The following H6PD variants were observed in gnomAD, a reference collection of about 807,000 sequenced individuals.
The protein encoded by H6PD is GDH/6PGL endoplasmic bifunctional protein.
Under a neutral mutation model 61.2 loss-of-function variants are expected in H6PD, and 48 were observed. The ratio of observed to expected loss-of-function variants is 0.78; its 90% CI spans 0.62 to 1.00. The LOEUF (loss-of-function observed/expected upper bound fraction) is 1.00, where lower values mean the gene tolerates loss of function less well. H6PD is among the 50% of genes least tolerant of loss of function. H6PD has a pLI of 0.00. For synonymous variants in H6PD, 480 were observed against 457.9 expected, an observed-to-expected ratio of 1.05 and a Z score of -0.62; for missense variants, 1,093 against 1,065.0, an observed-to-expected ratio of 1.03 and a Z score of -0.37.
At chr1:9,258,262 A>C (rs28496367) in intron 3 of H6PD, among the ~76,000 whole-genome samples, 17 of 60,160 alleles carry the variant, frequency 2.8e-4, no homozygotes, top group Admixed American at 4.1e-4. Flanking sequence ...TTGTTACATC[A>C]GTGTTGTTAC....
intron 1 of H6PD, among the ~76,000 whole-genome samples, chr1:9,241,865 G>A (rs1570080685): frequency 1.3e-5 from 2 of 152,098 alleles, no homozygotes; most frequent in Admixed American, 6.5e-5. Flanking sequence ...CAGTTTCCTC[G>A]TCTGTAGAAT....
At position 9,254,725 on chromosome 1, in the gene H6PD, A is replaced by G. The variant is rs1001623690; in HGVS notation, c.746-7334A>G. Among the ~76,000 whole-genome samples the G allele has an allele frequency of 2.0e-5, 3 of 151,960 alleles. No homozygotes were observed. Among genetic ancestry groups the G allele is most frequent in the Admixed American group, 6.6e-5 (1 of 15,250 alleles). ...TATTGAGCTGTAACTCACAAATCCT[A>G]CTACACTTTACCCAGTTAAGGTGGA... On this transcript the variant is annotated intron_variant, in intron 3 of 4. Transcript: ENST00000377403. The surrounding 1 kb of genome is among the most constrained non-coding windows in gnomAD (Gnocchi z 4.6).
rs773280935 is a variant in H6PD, at chr1:9,264,006, G to A, written c.1513G>A (p.Ala505Thr). The A allele has an allele frequency of 1.2e-6, 2 of 1,614,134 alleles. No homozygotes were observed. The highest frequency in any genetic ancestry group is 2.7e-5 in the African/African-American group (2 of 74,948). Residue 505 changes from alanine (A) to threonine (T), a missense_variant, in exon 5 of 5, where the codon GCT (alanine) becomes ACT (threonine). Ala to Thr is a moderately conservative substitution (Grantham distance 58). Transcript: ENST00000377403. ...HKAPRLYPGG[A>T]ENGRLLDFEF... is the part of the protein sequence containing the mutation. The stretch of plus-strand genomic sequence containing the variant: ...GGCCCCACGCCTCTACCCTGGAGGA[G>A]CTGAGAATGGCCGTCTGTTGGACTT...
chr1:9,259,101 C>T (rs1487467989), intron 3 of H6PD, among the ~76,000 whole-genome samples: 2 of 152,212 alleles, frequency 1.3e-5, no homozygotes, highest in South Asian at 2.1e-4. Flanking sequence ...ACGCCATTCT[C>T]CTGCCTCAGC....
In H6PD at chr1:9,244,912, CTT is replaced by C; in HGVS notation, c.-10-11_-10-10del. ...CCTTCCTTGTTCCTCGTCTGTCTCT[CTT>C]TGCACCCCAGGCACCCAGGCATGTG... On this transcript the variant is annotated splice_polypyrimidine_tract_variant and intron_variant, in intron 1 of 4. Coordinates refer to ENST00000377403, the MANE Select transcript of H6PD (RefSeq NM_004285.4). 1 of 1,610,476 alleles carries C rather than the reference CTT, an allele frequency of 6.2e-7. No homozygotes were observed.
intron 1 of H6PD, among the ~76,000 whole-genome samples, chr1:9,241,755 C>G (rs1306588410): frequency 6.6e-6 from 1 of 152,148 alleles, no homozygotes; most frequent in Non-Finnish European, 1.5e-5. Context: ...AGCCCAGGTC[C>G]TTGGACCCCA....
chr1:9,243,604 G>T (rs922170621), intron 1 of H6PD, among the ~76,000 whole-genome samples: 24 of 152,314 alleles, frequency 1.6e-4, no homozygotes, highest in African/African-American at 5.8e-4. Context: ...TGTGGAGGAA[G>T]AATTCAGTGC....
In H6PD at chr1:9,244,963, G is replaced by A. The variant is rs966406932; in HGVS notation, c.29G>A (p.Cys10Tyr). ...TGGAATATGCTCATAGTGGCGATGT[G>A]CTTGGCCCTTCTGGGCTGCCTGCAA... is the stretch of plus-strand genomic sequence containing the variant. Reference protein sequence around the residue: MWNMLIVAMCLALLGCLQAQ... With the variant: MWNMLIVAMYLALLGCLQAQ... The change falls in exon 2 of 5, where the codon TGC (cysteine) becomes TAC (tyrosine). Residue 10 changes from cysteine (C) to tyrosine (Y), a missense_variant. Coordinates refer to ENST00000377403, the MANE Select transcript of H6PD (RefSeq NM_004285.4). The A allele has an allele frequency of 6.2e-7, 1 of 1,614,142 alleles. No individual in the cohort carries two copies. Among genetic ancestry groups the A allele is most frequent in the African/African-American group, 1.3e-5 (1 of 75,034 alleles).
At position 9,265,219 on chromosome 1, in the gene H6PD, G is replaced by A. The variant is rs1358743207; in HGVS notation, c.*350G>A. 56 of 400,578 alleles carry A rather than the reference G, an allele frequency of 1.4e-4. No individual in the cohort carries two copies. Among genetic ancestry groups the A allele is most frequent in the Non-Finnish European group, 2.5e-4 (53 of 210,568 alleles). 24.8% of individuals were successfully genotyped at this position (400,578 alleles called of 1,614,324 possible). A position where few individuals can be genotyped will look rare whatever the true frequency, so the allele number is the denominator to read the frequency against. ...AACTCCGGCGTTCACAAGAGGAGAC[G>A]TGACGTGGTGGGCTGAGGTTAATCA... is the stretch of plus-strand genomic sequence containing the variant. On this transcript the variant is annotated 3_prime_UTR_variant, in exon 5 of 5. Transcript: ENST00000377403.
Position 9,245,298 on chromosome 1 carries a change from A to C in H6PD, c.364A>C (p.Lys122Gln). The C allele has an allele frequency of 6.2e-7, 1 of 1,614,204 alleles. No homozygotes were observed. Among genetic ancestry groups the C allele is most frequent in the Non-Finnish European group, 8.5e-7 (1 of 1,180,038 alleles). Residue 122 changes from lysine (K) to glutamine (Q), a missense_variant, in exon 2 of 5, where the codon AAG becomes CAG. By Grantham distance (53) the Lys-to-Gln change is moderately conservative (BLOSUM62 1). Transcript: ENST00000377403. This position sits in a 1 kb window ranked among gnomAD's most constrained non-coding sequence, Gnocchi z 4.8. ...KTAEDYQALN[K>Q]DIEAQLQHAG... ...GGCCGAGGACTATCAGGCCCTGAAC[A>C]AGGACATCGAGGCACAGCTCCAGCA... is the stretch of plus-strand genomic sequence containing the variant.
In H6PD at chr1:9,262,285, G is replaced by A. The variant is rs992575945; in HGVS notation, c.972G>A (p.Leu324=). 1 of 1,608,792 alleles carries A rather than the reference G, an allele frequency of 6.2e-7. No individual in the cohort carries two copies. The highest frequency in any genetic ancestry group is 1.1e-5 in the South Asian group (1 of 90,206). Residue 324 remains leucine (L), a synonymous_variant, in exon 4 of 5, where the codon CTG becomes CTA. Transcript: ENST00000377403. ...ACAGTGAGCAGGTGCGCAGAGAGCT[G>A]CAGAAGCCAGACAGCTTCCACAGCC... The part of the protein sequence containing the change: ...QSYSEQVRRE[L]QKPDSFHSLT...
chr1:9,242,504 C>A, intron 1 of H6PD: 1 of 919,846 alleles, frequency 1.1e-6, no homozygotes, highest in Non-Finnish European at 1.3e-6. Flanking sequence ...GGGAGGCCAA[C>A]CTCAGAACCG....
rs1391578641 is a variant in H6PD at position 9,268,862 on chromosome 1, C to G, written c.*3993C>G. The G allele has an allele frequency of 6.6e-6, 1 of 152,152 alleles. No homozygotes were observed. Among genetic ancestry groups the G allele is most frequent in the African/African-American group, 2.4e-5 (1 of 41,416 alleles). 9.4% of individuals were successfully genotyped at this position (152,152 alleles called of 1,614,324 possible). A position where few individuals can be genotyped will look rare whatever the true frequency, so the allele number is the denominator to read the frequency against. On this transcript the variant is annotated 3_prime_UTR_variant, in exon 5 of 5. Coordinates refer to ENST00000377403, the MANE Select transcript of H6PD (RefSeq NM_004285.4). ...TCCCGGAGGGCCCAGGTGGAACTCA[C>G]GACAGGGAGGGAGACGCTTCCCAAA...
chr1:9,237,549 C>T lies in H6PD; in HGVS notation c.-11+2483C>T, dbSNP rs573614193. Among the ~76,000 whole-genome samples the T allele has an allele frequency of 4.5e-4, 68 of 152,250 alleles. 3 individuals are homozygous for T. In the South Asian group the frequency reaches 0.013, roughly 29 times the overall value. ...CGCCTGGCCATGTTATTTGACTTCT[C>T]TTTGCCTTAGTTTCCTCTCTACTCC... is the stretch of plus-strand genomic sequence containing the variant. On this transcript the variant is annotated intron_variant, in intron 1 of 4. Transcript: ENST00000377403.
chr1:9,252,031 G>C (rs751967893), intron 3 of H6PD, among the ~76,000 whole-genome samples: 40 of 151,944 alleles, frequency 2.6e-4, no homozygotes, highest in Non-Finnish European at 5.0e-4. Flanking sequence ...TCTCTCTCTC[G>C]GGTAGTTCTA....
rs762443122 is a variant in H6PD at position 9,264,716 on chromosome 1, G to A, written c.2223G>A (p.Lys741=). Reference sequence around the variant, plus strand: ...TGCCTCTCATCAACCGCGCCAAGAAGGTGGCAGTCCTGGTCATGGGCAGGA... The same window carrying A: ...TGCCTCTCATCAACCGCGCCAAGAAAGTGGCAGTCCTGGTCATGGGCAGGA... ...LSLPLINRAK[K]VAVLVMGRMK... The change falls in exon 5 of 5, where the codon AAG becomes AAA. Residue 741 remains lysine, a synonymous_variant. Coordinates refer to ENST00000377403, the MANE Select transcript of H6PD (RefSeq NM_004285.4). The A allele has an allele frequency of 1.2e-6, 2 of 1,613,390 alleles. No homozygotes were observed. The highest frequency in any genetic ancestry group is 2.2e-5 in the East Asian group (1 of 44,880).
intron 3 of H6PD, among the ~76,000 whole-genome samples, chr1:9,247,576 CCA>C (rs1196603335): frequency 1.3e-5 from 2 of 152,156 alleles, no homozygotes; most frequent in East Asian, 1.9e-4. Flanking sequence ...CCTCACGGCG[CCA>C]CACACCTCCC....
chr1:9,260,172 T>TA (rs1412798476), intron 3 of H6PD, among the ~76,000 whole-genome samples: 2 of 151,892 alleles, frequency 1.3e-5, no homozygotes, highest in Non-Finnish European at 2.9e-5. Context: ...AAGCTGGTGT[T>TA]ATGTTGTTGT....
intron 3 of H6PD, among the ~76,000 whole-genome samples, chr1:9,247,831 GTCCCTT>G (rs1455062158): frequency 9.2e-6 from 1 of 108,894 alleles, no homozygotes; most frequent in African/African-American, 5.0e-5. Flanking sequence ...GACAGCTAAG[GTCCCTT>G]AGCTGGCATT....
Sources: gnomAD v4.1 joint callset for allele counts (sites outside exome capture counted in the v4.1 genomes callset) on GRCh38, gnomAD v4.1.1 for gene constraint, Gnocchi (gnomAD v3.1) non-coding constraint, MANE v1.5 for transcripts, NCBI Gene and HGNC (gene_info 2026-07-23, HGNC 2026-07-21) for gene names.